Variants in DLGAP4 observed in about 807,000 individuals in gnomAD.
DLGAP4 encodes disks large-associated protein 4.
In DLGAP4, 18 loss-of-function variants were observed where a neutral mutation model predicts 86.9. The observed-to-expected ratio is 0.21, with a 90% CI of 0.14 to 0.31. The LOEUF is 0.31. Ranked by LOEUF, DLGAP4 falls within the 10% of genes least tolerant of loss-of-function variation. The probability of loss-of-function intolerance (pLI) is 1.00; values close to 1 mark genes in which losing one functional copy is unlikely to be tolerated. For synonymous variants in DLGAP4, 548 were observed against 574.3 expected (o/e 0.95, Z 0.65); for missense variants, 1,085 against 1,362.6 (o/e 0.80, Z 3.21).
At chr20:36,474,333 G>A (rs1263675832) in intron 7 of DLGAP4, among the ~76,000 whole-genome samples, 1 of 152,142 alleles carries the variant, frequency 6.6e-6, no homozygotes, top group African/African-American at 2.4e-5. Context: ...GTGAGGGAAG[G>A]GGAAGAAGGG....
rs1369252057 is a variant in DLGAP4 at position 36,436,123 on chromosome 20, C to A, written c.1014C>A (p.Gly338=). The A allele has an allele frequency of 1.3e-6, 2 of 1,572,276 alleles. No individual in the cohort carries two copies. Among genetic ancestry groups the A allele is most frequent in the Middle Eastern group, 2.2e-4 (1 of 4,454 alleles). Residue 338 remains glycine, a synonymous_variant, in exon 4 of 13, where the codon GGC becomes GGA. Transcript: ENST00000339266. ...CCCATCCCCAGGTGCCCGGCGGCGG[C>A]GGCGAGTGGAGCACCACGCTGCTGT... ...AYHYLQVPGG[G]GEWSTTLLSP...
intron 1 of DLGAP4, among the ~76,000 whole-genome samples, chr20:36,315,835 C>T (rs1335160261): frequency 6.6e-6 from 1 of 152,172 alleles, no homozygotes; most frequent in African/African-American, 2.4e-5. Context: ...GCTGCCTGCC[C>T]ACTGCTGAGG....
In DLGAP4 at chr20:36,431,303, G is replaced by C. The variant is rs1047168700; in HGVS notation, c.-72-343G>C. On this transcript the variant is annotated intron_variant, in intron 2 of 12. Coordinates refer to ENST00000339266, the MANE Select transcript of DLGAP4 (RefSeq NM_001365621.2). This position sits in a 1 kb window ranked among gnomAD's most constrained non-coding sequence, Gnocchi z 5.1. ...AGGGACAGAGTCAGAAACGGAAAGAGAGTGGAGGATGGGCAGCCCCCCACC... is the reference window on the plus strand; with the variant it reads ...AGGGACAGAGTCAGAAACGGAAAGACAGTGGAGGATGGGCAGCCCCCCACC... 1.3e-5 allele frequency among the ~76,000 whole-genome samples: 2 copies of C among 152,116 alleles called. No homozygotes were observed. Among genetic ancestry groups the C allele is most frequent in the African/African-American group, 4.8e-5 (2 of 41,412 alleles).
At chr20:36,478,220 G>A (rs1197329327) in intron 7 of DLGAP4, among the ~76,000 whole-genome samples, 1 of 152,164 alleles carries the variant, frequency 6.6e-6, no homozygotes, top group African/African-American at 2.4e-5. Flanking sequence ...GACAGCATCA[G>A]CCACAGCACT....
Position 36,431,560 on chromosome 20 carries a change from G to C in DLGAP4, c.-72-86G>C. ...AGGACTGGCTTCAGAGATCCTCCCA[G>C]CCTTGCGATCTGGATCTGACCTTCC... is the stretch of plus-strand genomic sequence containing the variant. On this transcript the variant is annotated intron_variant, in intron 2 of 12. Coordinates refer to ENST00000339266, the MANE Select transcript of DLGAP4 (RefSeq NM_001365621.2). The surrounding 1 kb of genome is among the most constrained non-coding windows in gnomAD (Gnocchi z 5.1). 5.0e-6 allele frequency: 4 copies of C among 801,908 alleles called. No individual in the cohort carries two copies. The highest frequency in any genetic ancestry group is 7.6e-6 in the Non-Finnish European group (4 of 524,480). 49.7% of individuals were successfully genotyped at this position (801,908 alleles called of 1,614,324 possible). A position where few individuals can be genotyped will look rare whatever the true frequency, so the allele number is the denominator to read the frequency against.
chr20:36,497,676 T>C (rs1163351911), intron 8 of DLGAP4: 2 of 981,402 alleles, frequency 2.0e-6, no homozygotes, highest in African/African-American at 3.5e-5. Context: ...CTCCATGGGA[T>C]AGGGTCCAGG....
chr20:36,378,730 G>A (rs944316513), intron 2 of DLGAP4, among the ~76,000 whole-genome samples: 3 of 152,008 alleles, frequency 2.0e-5, no homozygotes, highest in Admixed American at 1.3e-4. Flanking sequence ...AGGAAGGCCC[G>A]GCAAGGCCTG....
chr20:36,523,017 T>C (rs532214564), intron 10 of DLGAP4, among the ~76,000 whole-genome samples: 1 of 151,120 alleles, frequency 6.6e-6, no homozygotes, highest in Non-Finnish European at 1.5e-5. Flanking sequence ...CTTATTTTTG[T>C]ATTTTCTGTA....
chr20:36,422,998 G>T (rs995492972), intron 2 of DLGAP4, among the ~76,000 whole-genome samples: 2 of 152,152 alleles, frequency 1.3e-5, no homozygotes, highest in African/African-American at 4.8e-5. Flanking sequence ...CTGAGGGCCT[G>T]TCACCCACTG....
intron 2 of DLGAP4, among the ~76,000 whole-genome samples, chr20:36,410,080 C>T (rs961566251): frequency 1.3e-4 from 20 of 151,984 alleles, no homozygotes; most frequent in African/African-American, 4.8e-5. Context: ...CTTCCATCCA[C>T]CTTGTTCCTG....
At chr20:36,410,192 G>T (rs1177541372) in intron 2 of DLGAP4, among the ~76,000 whole-genome samples, 1 of 152,170 alleles carries the variant, frequency 6.6e-6, no homozygotes, top group East Asian at 1.9e-4. Context: ...AGCAGATGCT[G>T]TCAGTGCCCT....
At chr20:36,504,773 TGTGTCTGTTG>T (rs1472819754) in intron 10 of DLGAP4, among the ~76,000 whole-genome samples, 8 of 152,386 alleles carry the variant, frequency 5.2e-5, no homozygotes, top group African/African-American at 1.9e-4. Context: ...CATCTTTTCA[TGTGTCTGTTG>T]GTCATTTTTA....
chr20:36,380,465 G>A (rs1410694285), intron 2 of DLGAP4, among the ~76,000 whole-genome samples: 2 of 152,202 alleles, frequency 1.3e-5, no homozygotes, highest in East Asian at 1.9e-4. Flanking sequence ...GCACATTCCT[G>A]TAGTCCCAGC....
chr20:36,404,481 A>G (rs563129260), intron 2 of DLGAP4, among the ~76,000 whole-genome samples: 1 of 152,172 alleles, frequency 6.6e-6, no homozygotes, highest in African/African-American at 2.4e-5. Context: ...TCTCAAGCAG[A>G]TAAGCTGTGA....
intron 2 of DLGAP4, among the ~76,000 whole-genome samples, chr20:36,401,363 C>A (rs1284399420): frequency 6.6e-6 from 1 of 152,198 alleles, no homozygotes; most frequent in Non-Finnish European, 1.5e-5. Flanking sequence ...GCCTCCCTGG[C>A]GGGTCCAGAC....
rs753990320 is a variant in DLGAP4, at chr20:36,496,657, G to A, written c.1649-48G>A. 1.9e-6 allele frequency: 3 copies of A among 1,559,692 alleles called. No individual in the cohort carries two copies. The South Asian group carries it at 3.6e-5, about 19-fold the overall frequency. On this transcript the variant is annotated intron_variant, in intron 7 of 12. Transcript: ENST00000339266. The stretch of plus-strand genomic sequence containing the variant: ...TTGGAAGGGGCTTGAGAGGGTTGGG[G>A]GCTTCACCATCTCACCTCTCCCCTG...
chr20:36,392,794 G>A (rs1359618664), intron 2 of DLGAP4, among the ~76,000 whole-genome samples: 3 of 152,248 alleles, frequency 2.0e-5, no homozygotes, highest in Non-Finnish European at 2.9e-5. Context: ...CTTTCCTGAG[G>A]TTATCAGTCT....
intron 7 of DLGAP4, among the ~76,000 whole-genome samples, chr20:36,463,578 G>C (rs537807107): frequency 6.6e-6 from 1 of 152,332 alleles, no homozygotes; most frequent in South Asian, 2.1e-4. Context: ...AATCCTGCTT[G>C]TTCTTTGTTA....
chr20:36,505,208 C>T (rs531460157), intron 10 of DLGAP4, among the ~76,000 whole-genome samples: 3 of 151,950 alleles, frequency 2.0e-5, no homozygotes, highest in African/African-American at 7.2e-5. Context: ...AGGGTAGTCT[C>T]GAACTCCTGA....
Sources: allele counts gnomAD v4.1 joint callset (sites outside exome capture counted in the v4.1 genomes callset), GRCh38; gene constraint gnomAD v4.1.1; non-coding constraint Gnocchi (gnomAD v3.1); transcripts MANE v1.5; gene names NCBI Gene and HGNC (gene_info 2026-07-23, HGNC 2026-07-21).